APBA1: variants seen among roughly 807,000 people sequenced by gnomAD.
APBA1 encodes the protein amyloid-beta A4 precursor protein-binding family A member 1.
Under a neutral mutation model 86.6 loss-of-function variants are expected in APBA1, and 55 were observed. The ratio of observed to expected loss-of-function variants is 0.64; its 90% CI spans 0.51 to 0.80. APBA1 has a LOEUF of 0.80. APBA1 is among the 30% of genes least tolerant of loss of function. APBA1 has a pLI of 0.00. For missense variants in APBA1, 1,090 were observed against 1,183.0 expected, an observed-to-expected ratio of 0.92 and a Z score of 1.15; for synonymous variants, 511 against 493.9, an observed-to-expected ratio of 1.03 and a Z score of -0.46.
chr9:69,645,777 C>A (rs1480738563), intron 1 of APBA1, among the ~76,000 whole-genome samples: 4 of 152,186 alleles, frequency 2.6e-5, no homozygotes, highest in African/African-American at 7.2e-5. Flanking sequence ...GGTCACGTGG[C>A]ATCGAGAGCT....
chr9:69,495,414 G>A (rs2133865835), intron 2 of APBA1, among the ~76,000 whole-genome samples: 1 of 152,270 alleles, frequency 6.6e-6, no homozygotes, highest in African/African-American at 2.4e-5. Context: ...AGCTGGGCCA[G>A]CTCTAGTGCC....
chr9:69,460,218 T>A (rs1260841982), intron 5 of APBA1, among the ~76,000 whole-genome samples: 1 of 152,170 alleles, frequency 6.6e-6, no homozygotes, highest in Non-Finnish European at 1.5e-5. Flanking sequence ...GCAACCACAC[T>A]CCCACACAGA....
rs777139512 is a variant in APBA1 at position 69,516,678 on chromosome 9, C to T, written c.533G>A (p.Gly178Asp). Reference protein sequence around the residue: ...YVYTHRLFHRGEDEPYSEPYA... With the variant: ...YVYTHRLFHRDEDEPYSEPYA... ...GGGCTCGGAGTAGGGCTCGTCCTCACCGCGGTGGAAGAGCCGGTGCGTGTA... is the reference window on the plus strand; with the variant it reads ...GGGCTCGGAGTAGGGCTCGTCCTCATCGCGGTGGAAGAGCCGGTGCGTGTA... The change falls in exon 2 of 13, where the codon GGT (glycine) becomes GAT (aspartate). Residue 178 changes from glycine (G) to aspartate (D), a missense_variant. Physicochemically the swap from Gly to Asp is moderately conservative, Grantham distance 94 (BLOSUM62 -1). Coordinates refer to ENST00000265381, the MANE Select transcript of APBA1 (RefSeq NM_001163.4). The surrounding 1 kb of genome is among the most constrained non-coding windows in gnomAD (Gnocchi z 7.3). The T allele has an allele frequency of 6.2e-7, 1 of 1,610,198 alleles. No individual in the cohort carries two copies. Among genetic ancestry groups the T allele is most frequent in the Non-Finnish European group, 8.5e-7 (1 of 1,179,048 alleles).
intron 1 of APBA1, among the ~76,000 whole-genome samples, chr9:69,642,198 T>A (rs953963772): frequency 6.6e-6 from 1 of 152,214 alleles, no homozygotes; most frequent in East Asian, 1.9e-4. Flanking sequence ...TGACTAGAGA[T>A]AATATTTGCA....
At chr9:69,589,572 G>A (rs1275652501) in intron 1 of APBA1, among the ~76,000 whole-genome samples, 1 of 152,178 alleles carries the variant, frequency 6.6e-6, no homozygotes, top group African/African-American at 2.4e-5. Context: ...TCAGTACCCA[G>A]CTTTCATTCA....
At chr9:69,585,173 C>T (rs1179498945) in intron 1 of APBA1, among the ~76,000 whole-genome samples, 1 of 152,166 alleles carries the variant, frequency 6.6e-6, no homozygotes, top group Non-Finnish European at 1.5e-5. Flanking sequence ...CAAATAAATA[C>T]ATAATATGTC....
intron 2 of APBA1, among the ~76,000 whole-genome samples, chr9:69,483,315 A>G (rs1835553402): frequency 6.6e-6 from 1 of 152,068 alleles, no homozygotes. Flanking sequence ...GTGGGGAGGT[A>G]AGTCCTGAGC....
At chr9:69,445,896 C>T (rs1834899324) in intron 10 of APBA1, among the ~76,000 whole-genome samples, 1 of 152,156 alleles carries the variant, frequency 6.6e-6, no homozygotes, top group African/African-American at 2.4e-5. Context: ...CGCCGCAAAG[C>T]CTGCCAAAAA....
intron 5 of APBA1, among the ~76,000 whole-genome samples, chr9:69,467,377 G>A (rs532657870): frequency 6.6e-6 from 1 of 152,272 alleles, no homozygotes; most frequent in African/African-American, 2.4e-5. Flanking sequence ...TTTCCTTGAA[G>A]CAAGCAAGTT....
intron 1 of APBA1, among the ~76,000 whole-genome samples, chr9:69,642,975 C>G (rs1471531900): frequency 2.0e-5 from 3 of 151,598 alleles, no homozygotes; most frequent in Non-Finnish European, 4.4e-5. Flanking sequence ...ACCAGCTGAT[C>G]TCTATATATA....
At chr9:69,602,839 A>G (rs1822381187) in intron 1 of APBA1, among the ~76,000 whole-genome samples, 1 of 152,194 alleles carries the variant, frequency 6.6e-6, no homozygotes, top group Non-Finnish European at 1.5e-5. Context: ...AAAACATTAC[A>G]TATTTAGAAA....
chr9:69,640,443 C>T (rs191051752), intron 1 of APBA1, among the ~76,000 whole-genome samples: 31 of 151,892 alleles, frequency 2.0e-4, no homozygotes, highest in Non-Finnish European at 4.1e-4. Flanking sequence ...GTTAATAATA[C>T]GTTCACATTT....
At chr9:69,636,890 A>G (rs7032764) in intron 1 of APBA1, among the ~76,000 whole-genome samples, 672 of 23,182 alleles carry the variant, frequency 0.029, 30 homozygotes, top group Middle Eastern at 0.05. Context: ...AAGGAAGGAA[A>G]GAAGGAAGGA....
chr9:69,504,694 T>A (rs987313430), intron 2 of APBA1, among the ~76,000 whole-genome samples: 1 of 152,026 alleles, frequency 6.6e-6, no homozygotes, highest in African/African-American at 2.4e-5. Context: ...ATTCTAAGCC[T>A]GACAACTAAG....
chr9:69,637,611 C>T (rs1823206605), intron 1 of APBA1, among the ~76,000 whole-genome samples: 1 of 152,196 alleles, frequency 6.6e-6, no homozygotes, highest in Non-Finnish European at 1.5e-5. Flanking sequence ...AATACGCTTC[C>T]ATACCGTGGC....
intron 10 of APBA1, among the ~76,000 whole-genome samples, chr9:69,441,656 A>AT (rs1189930605): frequency 1.3e-5 from 2 of 151,930 alleles, no homozygotes; most frequent in Non-Finnish European, 2.9e-5. Context: ...CCAGTTAGAG[A>AT]TTTTATAGCT....
At chr9:69,435,187 T>A (rs1834683858) in intron 11 of APBA1, among the ~76,000 whole-genome samples, 1 of 152,042 alleles carries the variant, frequency 6.6e-6, no homozygotes, top group African/African-American at 2.4e-5. Context: ...CTTAATCTAG[T>A]CTATCATTGT....
At chr9:69,651,329 T>G (rs911666590) in intron 1 of APBA1, among the ~76,000 whole-genome samples, 1 of 152,228 alleles carries the variant, frequency 6.6e-6, no homozygotes, top group African/African-American at 2.4e-5. Flanking sequence ...GATCTTGATC[T>G]GGGTGGTGGT....
chr9:69,434,729 C>T (rs1343081431), intron 11 of APBA1, among the ~76,000 whole-genome samples: 2 of 150,598 alleles, frequency 1.3e-5, no homozygotes, highest in Non-Finnish European at 2.9e-5. Context: ...AAAAAAAAGG[C>T]CATGCTACAT....
Sources: gnomAD v4.1 joint callset for allele counts (sites outside exome capture counted in the v4.1 genomes callset) on GRCh38, gnomAD v4.1.1 for gene constraint, Gnocchi (gnomAD v3.1) non-coding constraint, MANE v1.5 for transcripts, NCBI Gene and HGNC (gene_info 2026-07-23, HGNC 2026-07-21) for gene names.